SLAIN2: variants seen among roughly 807,000 people sequenced by gnomAD.
The protein encoded by SLAIN2 is SLAIN motif-containing protein 2.
Under a neutral mutation model 56.6 loss-of-function variants are expected in SLAIN2, and 31 were observed. The ratio of observed to expected loss-of-function variants is 0.55; its 90% CI spans 0.41 to 0.74. The LOEUF is 0.74. SLAIN2 is among the 30% of genes least tolerant of loss of function. The pLI is 0.00. For synonymous variants in SLAIN2, 317 were observed against 284.9 expected (o/e 1.11, Z -1.13); for missense variants, 777 against 754.2 (o/e 1.03, Z -0.35).
intron 6 of SLAIN2, chr4:48,394,507 A>G (rs1716326482): frequency 8.3e-7 from 1 of 1,205,910 alleles, no homozygotes; most frequent in Non-Finnish European, 1.2e-6. Flanking sequence ...AAAACATTCA[A>G]GTTTACAGAC....
chr4:48,344,266 T>A (rs76863121), intron 1 of SLAIN2, among the ~76,000 whole-genome samples: 4,346 of 152,232 alleles, frequency 0.029, 76 homozygotes, highest in Admixed American at 0.044. Context: ...TGCGTTGGGG[T>A]ATGTGATTAG....
chr4:48,380,100 C>G (rs996173682), intron 4 of SLAIN2, among the ~76,000 whole-genome samples: 5 of 152,092 alleles, frequency 3.3e-5, no homozygotes, highest in Admixed American at 6.5e-5. Context: ...GCTTCTATGA[C>G]TGGTTTTTAT....
At chr4:48,363,984 C>A (rs1302920843) in intron 1 of SLAIN2, among the ~76,000 whole-genome samples, 126 of 119,454 alleles carry the variant, frequency 1.1e-3, no homozygotes, top group South Asian at 1.6e-3. Context: ...TGACCCCCCC[C>A]ACCTCCCTCC....
At chr4:48,410,686 C>T (rs758642485) in intron 6 of SLAIN2, among the ~76,000 whole-genome samples, 20 of 152,162 alleles carry the variant, frequency 1.3e-4, no homozygotes, top group Non-Finnish European at 2.5e-4. Context: ...GCACCAGGAC[C>T]ATGCTCTTCT....
rs1716333664 is a variant in SLAIN2, at chr4:48,394,713, C to G, written c.1360+10929C>G. The G allele has an allele frequency of 5.0e-6, 7 of 1,408,028 alleles. No individual in the cohort carries two copies. In the Admixed American group the frequency reaches 6.2e-5, roughly 12 times the overall value. 87.2% of individuals were successfully genotyped at this position (1,408,028 alleles called of 1,614,324 possible). A position where few individuals can be genotyped will look rare whatever the true frequency, so the allele number is the denominator to read the frequency against. ...GCAAATGATCTAGTTAAATCTTAAG[C>G]CATTTGGCATACTGAGTCAGTGGTG... On this transcript the variant is annotated intron_variant, in intron 6 of 7. Transcript: ENST00000264313.
Position 48,398,635 on chromosome 4 carries a change from C to T in SLAIN2, c.1360+14851C>T, listed in dbSNP as rs193045237. ...AGGGTTTTTATAGTTTGGGGTTTTACATTAAAGTCTTTAATCCATCTTGAG... is the reference window on the plus strand; with the variant it reads ...AGGGTTTTTATAGTTTGGGGTTTTATATTAAAGTCTTTAATCCATCTTGAG... On this transcript the variant is annotated intron_variant, in intron 6 of 7. Transcript: ENST00000264313. Among the ~76,000 whole-genome samples, 240 of 152,262 alleles carry T rather than the reference C, an allele frequency of 1.6e-3. 1 individual carries two copies. The highest frequency in any genetic ancestry group is 5.6e-3 in the African/African-American group (234 of 41,554).
intron 6 of SLAIN2, among the ~76,000 whole-genome samples, chr4:48,410,963 T>C (rs1284808139): frequency 6.6e-6 from 1 of 152,210 alleles, no homozygotes; most frequent in African/African-American, 2.4e-5. Context: ...TGGCTCCTCC[T>C]CTTCCTCCTC....
At position 48,341,860 on chromosome 4, in the gene SLAIN2, G is replaced by T. The variant is rs752304752; in HGVS notation, c.121G>T (p.Ala41Ser). The T allele has an allele frequency of 9.9e-6, 15 of 1,520,558 alleles. No individual in the cohort carries two copies. In the African/African-American group the frequency reaches 1.9e-4, roughly 19 times the overall value. 94.2% of individuals were successfully genotyped at this position (1,520,558 alleles called of 1,614,324 possible). The change falls in exon 1 of 8, where the codon GCC (alanine) becomes TCC (serine). Residue 41 changes from alanine to serine, a missense_variant. By Grantham distance (99) the Ala-to-Ser change is moderately conservative. Coordinates refer to ENST00000264313, the MANE Select transcript of SLAIN2 (RefSeq NM_020846.2). The part of the protein sequence containing the change: ...LRSRSGAVQG[A>S]GSLGPGSPVR... ...GAGCCGCTCGGGGGCCGTGCAGGGC[G>T]CCGGCTCCCTTGGGCCCGGCAGCCC...
chr4:48,414,668 A>T (rs1306850663), intron 6 of SLAIN2, among the ~76,000 whole-genome samples: 2 of 122,536 alleles, frequency 1.6e-5, no homozygotes, highest in African/African-American at 3.2e-5. Flanking sequence ...CTAATGTGTC[A>T]TCTAGCATTA....
intron 1 of SLAIN2, among the ~76,000 whole-genome samples, chr4:48,363,722 C>G (rs1304635880): frequency 8.7e-6 from 1 of 115,036 alleles, no homozygotes; most frequent in East Asian, 2.8e-4. Flanking sequence ...ACCTCCCAGA[C>G]GGGGCGGCTG....
chr4:48,419,935 C>A (rs942491132), intron 6 of SLAIN2, among the ~76,000 whole-genome samples, 190 bp from the exon 7 acceptor site: 2 of 152,176 alleles, frequency 1.3e-5, no homozygotes, highest in African/African-American at 4.8e-5. Context: ...CCTCTAAGTA[C>A]TTGGTCATTT....
rs750201849 is a variant in SLAIN2 at position 48,341,802 on chromosome 4, G to A, written c.63G>A (p.Val21=). 1 of 1,533,908 alleles carries A rather than the reference G, an allele frequency of 6.5e-7. No individual in the cohort carries two copies. Among genetic ancestry groups the A allele is most frequent in the Non-Finnish European group, 8.8e-7 (1 of 1,140,470 alleles). ...AGGTGCGGAAGCTGCAGGAGCTGGT[G>A]AAGAAGCTGGAGAAGCAGAACGAAC... ...DQEVRKLQEL[V]KKLEKQNEQL... The change falls in exon 1 of 8, where the codon GTG becomes GTA. Residue 21 remains valine (V), a synonymous_variant. Coordinates refer to ENST00000264313, the MANE Select transcript of SLAIN2 (RefSeq NM_020846.2).
chr4:48,413,647 A>C (rs1324284860), intron 6 of SLAIN2, among the ~76,000 whole-genome samples: 1 of 152,196 alleles, frequency 6.6e-6, no homozygotes, highest in Non-Finnish European at 1.5e-5. Context: ...TCATTTGTTA[A>C]TAATGGAATT....
intron 7 of SLAIN2, among the ~76,000 whole-genome samples, chr4:48,420,744 TCG>T (rs1717124916): frequency 6.6e-6 from 1 of 152,220 alleles, no homozygotes; most frequent in Admixed American, 6.5e-5. Flanking sequence ...TTCATTCATT[TCG>T]AATATAATTA....
chr4:48,399,568 C>T (rs535919947), intron 6 of SLAIN2, among the ~76,000 whole-genome samples: 2 of 152,276 alleles, frequency 1.3e-5, no homozygotes, highest in Non-Finnish European at 2.9e-5. Flanking sequence ...GAGAGAGCAT[C>T]GTGGTCTTGT....
intron 6 of SLAIN2, among the ~76,000 whole-genome samples, chr4:48,412,364 G>T (rs34239305): frequency 0.33 from 34,382 of 104,166 alleles, 5,574 homozygotes; most frequent in Middle Eastern, 0.45. Flanking sequence ...GTTTGTATAT[G>T]TACACACACA....
chr4:48,405,564 G>A (rs1716671382), intron 6 of SLAIN2, among the ~76,000 whole-genome samples: 1 of 151,838 alleles, frequency 6.6e-6, no homozygotes, highest in South Asian at 2.1e-4. Flanking sequence ...AGTGATAGTT[G>A]GATCTAGACA....
chr4:48,375,903 A>G (rs1433381076), intron 2 of SLAIN2, among the ~76,000 whole-genome samples: 10 of 152,194 alleles, frequency 6.6e-5, no homozygotes, highest in South Asian at 2.1e-4. Flanking sequence ...GACTGCTTCA[A>G]TGCCTCTCCT....
chr4:48,418,076 T>A (rs1446835825), intron 6 of SLAIN2, among the ~76,000 whole-genome samples: 2 of 76,540 alleles, frequency 2.6e-5, no homozygotes, highest in Non-Finnish European at 6.1e-5. Context: ...TATTATTATT[T>A]CTTCTTCTTC....
Sources: gnomAD v4.1 joint callset for allele counts (sites outside exome capture counted in the v4.1 genomes callset) on GRCh38, gnomAD v4.1.1 for gene constraint, MANE v1.5 for transcripts, NCBI Gene and HGNC (gene_info 2026-07-23, HGNC 2026-07-21) for gene names.